The following SCLT1 variants were observed in gnomAD, a reference collection of about 807,000 sequenced individuals.
SCLT1 encodes sodium channel-associated protein 1.
In SCLT1, 78 loss-of-function variants were observed where a neutral mutation model predicts 112.8. The ratio of observed to expected loss-of-function variants is 0.69; its 90% CI spans 0.58 to 0.83. The LOEUF (loss-of-function observed/expected upper bound fraction) is 0.83. Ranked by LOEUF, SCLT1 falls within the 40% of genes least tolerant of loss-of-function variation. The pLI, the probability that SCLT1 is intolerant of heterozygous loss-of-function variation, is 0.00. For synonymous variants in SCLT1, 257 were observed against 254.7 expected, an observed-to-expected ratio of 1.01 and a Z score of -0.09; for missense variants, 747 against 770.4, an observed-to-expected ratio of 0.97 and a Z score of 0.36.
intron 17 of SCLT1, among the ~76,000 whole-genome samples, chr4:128,938,451 T>G (rs1173311616): frequency 6.6e-6 from 1 of 152,180 alleles, no homozygotes; most frequent in Non-Finnish European, 1.5e-5. Flanking sequence ...AAACCAATCT[T>G]GGATGTGTTA....
intron 2 of SCLT1, among the ~76,000 whole-genome samples, chr4:129,055,795 T>C (rs990213338): frequency 9.9e-5 from 15 of 151,092 alleles, no homozygotes; most frequent in Middle Eastern, 6.8e-3. Context: ...TCTGTCTCGC[T>C]GGGGTTCCAG....
chr4:128,901,322 C>T (rs548621241), intron 18 of SCLT1, among the ~76,000 whole-genome samples: 47 of 152,224 alleles, frequency 3.1e-4, no homozygotes, highest in Middle Eastern at 3.4e-3. Context: ...ACATATACAC[C>T]ATGGAATACT....
chr4:128,881,620 T>C (rs1732641844), downstream of SCLT1, among the ~76,000 whole-genome samples: 1 of 152,194 alleles, frequency 6.6e-6, no homozygotes, highest in Non-Finnish European at 1.5e-5. Flanking sequence ...ATAAATAAAA[T>C]GAACTAGCTG....
chr4:129,041,243 T>C (rs1217250614), intron 4 of SCLT1, among the ~76,000 whole-genome samples: 1 of 152,170 alleles, frequency 6.6e-6, no homozygotes, highest in African/African-American at 2.4e-5. Flanking sequence ...GACATTACTG[T>C]GCTTGTCCTA....
chr4:129,052,044 T>C (rs1270842973), intron 2 of SCLT1, among the ~76,000 whole-genome samples: 5 of 152,212 alleles, frequency 3.3e-5, no homozygotes, highest in African/African-American at 9.7e-5. Flanking sequence ...GATTTGCATA[T>C]GTTAAACCCG....
At chr4:128,891,512 G>T (rs1733319364) in intron 18 of SCLT1, among the ~76,000 whole-genome samples, 1 of 151,818 alleles carries the variant, frequency 6.6e-6, no homozygotes, top group South Asian at 2.1e-4. Flanking sequence ...TATTTTAAAA[G>T]TACAAAAGTA....
chr4:128,980,119 C>A (rs1158528787), intron 9 of SCLT1, among the ~76,000 whole-genome samples: 1 of 152,120 alleles, frequency 6.6e-6, no homozygotes, highest in Non-Finnish European at 1.5e-5. Flanking sequence ...AACTGTCTGG[C>A]AATTCTATGA....
intron 9 of SCLT1, among the ~76,000 whole-genome samples, chr4:128,984,708 C>T (rs1214549648): frequency 6.6e-6 from 1 of 152,018 alleles, no homozygotes; most frequent in Non-Finnish European, 1.5e-5. Flanking sequence ...ATCTTATATC[C>T]TTTTTTTCCT....
intron 18 of SCLT1, among the ~76,000 whole-genome samples, chr4:128,899,746 A>C (rs924378619): frequency 3.9e-5 from 6 of 152,082 alleles, no homozygotes; most frequent in African/African-American, 9.7e-5. Flanking sequence ...TCCCTGTTTG[A>C]AGATGACATG....
At chr4:128,931,164 G>C (rs1736727236) in intron 18 of SCLT1, among the ~76,000 whole-genome samples, 1 of 151,804 alleles carries the variant, frequency 6.6e-6, no homozygotes, top group Non-Finnish European at 1.5e-5. Flanking sequence ...GAAGGTTTTT[G>C]GGGGGTTGGA....
intron 6 of SCLT1, among the ~76,000 whole-genome samples, chr4:129,000,376 C>T (rs35349408): frequency 0.025 from 3,807 of 151,778 alleles, 74 homozygotes; most frequent in Middle Eastern, 0.052. Context: ...ATATAGTGGG[C>T]TATTTTTACT....
At chr4:128,903,821 G>A (rs1579331718) in intron 18 of SCLT1, among the ~76,000 whole-genome samples, 3 of 152,216 alleles carry the variant, frequency 2.0e-5, no homozygotes, top group East Asian at 3.9e-4. Context: ...AAAGACCCGG[G>A]AGGATGATTC....
chr4:129,024,291 G>T (rs1213289916), intron 5 of SCLT1, among the ~76,000 whole-genome samples: 3 of 152,176 alleles, frequency 2.0e-5, no homozygotes, highest in Non-Finnish European at 4.4e-5. Flanking sequence ...TAACTGGAAG[G>T]CACCCCCAAG....
intron 18 of SCLT1, among the ~76,000 whole-genome samples, chr4:128,910,267 T>A (rs1412845752): frequency 6.6e-6 from 1 of 152,264 alleles, no homozygotes; most frequent in Non-Finnish European, 1.5e-5. Flanking sequence ...TTGTAGATGC[T>A]GGATGTTAAC....
chr4:128,956,104 C>T (rs555802842), intron 13 of SCLT1, among the ~76,000 whole-genome samples: 6 of 152,068 alleles, frequency 3.9e-5, no homozygotes, highest in Admixed American at 6.5e-5. Context: ...CTGTATTTTC[C>T]GTTTGCAAAA....
At chr4:128,936,577 G>C (rs1209627050) in intron 18 of SCLT1, 78 bp downstream of exon 18, 2 of 803,728 alleles carry the variant, frequency 2.5e-6, no homozygotes, top group Non-Finnish European at 3.8e-6. Context: ...TTTTAAAAAA[G>C]ATTATGGCAA....
chr4:128,938,875 AG>A (rs1737435923), intron 17 of SCLT1, among the ~76,000 whole-genome samples: 1 of 152,118 alleles, frequency 6.6e-6, no homozygotes, highest in South Asian at 2.1e-4. Flanking sequence ...CCAGCTACTC[AG>A]GAGGGTGAGG....
intron 5 of SCLT1, 26 bp downstream of exon 5, chr4:129,039,015 A>G (rs766420387): frequency 2.3e-6 from 3 of 1,318,286 alleles, no homozygotes; most frequent in Non-Finnish European, 2.2e-6. Flanking sequence ...ATAATAAAAG[A>G]TAAAACCAAT....
intron 11 of SCLT1, among the ~76,000 whole-genome samples, chr4:128,962,140 G>C (rs1267246738): frequency 6.6e-6 from 1 of 152,098 alleles, no homozygotes; most frequent in Non-Finnish European, 1.5e-5. Flanking sequence ...GTACACTTGA[G>C]AATACCCAAC....
Sources: allele counts gnomAD v4.1 joint callset (sites outside exome capture counted in the v4.1 genomes callset), GRCh38; gene constraint gnomAD v4.1.1; transcripts MANE v1.5; gene names NCBI Gene and HGNC (gene_info 2026-07-23, HGNC 2026-07-21).